Variants in EPB41L3 observed in about 807,000 individuals in gnomAD.
EPB41L3 encodes the protein band 4.1-like protein 3.
EPB41L3 carries 57 observed loss-of-function variants against 127.1 expected under a neutral mutation model. That is an observed-to-expected ratio of 0.45 (90% CI 0.36 to 0.56). The LOEUF is 0.56. Ranked by LOEUF, EPB41L3 falls within the 20% of genes least tolerant of loss-of-function variation. The pLI is 0.00. For missense variants in EPB41L3, 1,273 were observed against 1,372.2 expected (o/e 0.93, Z 1.14); for synonymous variants, 572 against 549.5 (o/e 1.04, Z -0.57).
At chr18:5,452,833 T>C (rs547146762) in intron 3 of EPB41L3, among the ~76,000 whole-genome samples, 2 of 152,192 alleles carry the variant, frequency 1.3e-5, no homozygotes, top group Admixed American at 1.3e-4. Context: ...AGTTTCCCTT[T>C]GTATAGTTAA....
At chr18:5,477,290 T>C (rs187834678) in intron 3 of EPB41L3, among the ~76,000 whole-genome samples, 37 of 152,258 alleles carry the variant, frequency 2.4e-4, no homozygotes, top group Non-Finnish European at 2.5e-4. Flanking sequence ...GACACACATG[T>C]GTGCACTGCC....
At chr18:5,537,487 C>G (rs1171847010) in intron 1 of EPB41L3, among the ~76,000 whole-genome samples, 1 of 152,088 alleles carries the variant, frequency 6.6e-6, no homozygotes, top group Non-Finnish European at 1.5e-5. Flanking sequence ...AACTAAAGAC[C>G]ATCTGTCTCC....
chr18:5,433,700 G>T, intron 7 of EPB41L3, 144 bp from the exon 8 acceptor site: 1 of 897,124 alleles, frequency 1.1e-6, no homozygotes, highest in Non-Finnish European at 1.7e-6. Flanking sequence ...AAGAAAAAGG[G>T]CTTTGCAAGA....
At chr18:5,424,220 A>T in intron 10 of EPB41L3, 42 bp downstream of exon 10, 1 of 1,377,742 alleles carries the variant, frequency 7.3e-7, no homozygotes, top group Non-Finnish European at 9.9e-7. Context: ...ATAAGTGATT[A>T]TAATTATTCC....
intron 3 of EPB41L3, among the ~76,000 whole-genome samples, chr18:5,475,472 G>A (rs1389998746): frequency 1.3e-5 from 2 of 152,186 alleles, no homozygotes; most frequent in Non-Finnish European, 2.9e-5. Flanking sequence ...TCTGTGCAAC[G>A]CAGGAAACAG....
intron 5 of EPB41L3, among the ~76,000 whole-genome samples, chr18:5,440,825 A>G (rs1201747917): frequency 6.6e-6 from 1 of 152,226 alleles, no homozygotes; most frequent in Non-Finnish European, 1.5e-5. Context: ...AAGATCCTGC[A>G]TGCTTAAAAG....
At chr18:5,541,276 A>AAAAC (rs2093723194) in intron 1 of EPB41L3, among the ~76,000 whole-genome samples, 1 of 150,304 alleles carries the variant, frequency 6.7e-6, no homozygotes, top group Admixed American at 6.6e-5. Flanking sequence ...AAAAAAAAAA[A>AAAAC]AGTCTCTCTC....
intron 1 of EPB41L3, among the ~76,000 whole-genome samples, chr18:5,493,992 C>T (rs1269789328): frequency 6.6e-6 from 1 of 152,140 alleles, no homozygotes; most frequent in Admixed American, 6.5e-5. Context: ...CTTTACAAAT[C>T]CATCTCACTC....
chr18:5,608,254 C>A (rs2094684904), intron 3 of EPB41L3, among the ~76,000 whole-genome samples: 1 of 152,106 alleles, frequency 6.6e-6, no homozygotes, highest in African/African-American at 2.4e-5. Flanking sequence ...GTGTGACGGG[C>A]ACACCAGATG....
intron 3 of EPB41L3, among the ~76,000 whole-genome samples, chr18:5,447,448 C>CTT (rs10694622): frequency 0.31 from 34,955 of 113,878 alleles, 6,023 homozygotes; most frequent in East Asian, 0.42. Context: ...AGCTAGACTA[C>CTT]TTTTTTTTTT....
intron 3 of EPB41L3, among the ~76,000 whole-genome samples, chr18:5,597,743 T>C (rs1391538929): frequency 6.6e-6 from 1 of 152,188 alleles, no homozygotes; most frequent in South Asian, 2.1e-4. Flanking sequence ...CTAGGAAAGA[T>C]GGATACTGTC....
chr18:5,495,949 G>C (rs11081203), intron 1 of EPB41L3, among the ~76,000 whole-genome samples: 78,429 of 152,104 alleles, frequency 0.52, 20,404 homozygotes, highest in South Asian at 0.57. Context: ...GGGCATAAAG[G>C]TCTGAGGGCA....
intron 8 of EPB41L3, among the ~76,000 whole-genome samples, chr18:5,433,238 G>C (rs1468312510): frequency 2.0e-5 from 3 of 152,162 alleles, no homozygotes; most frequent in African/African-American, 7.2e-5. Context: ...GCTTTCAGAA[G>C]GCTGTGCCCA....
intron 1 of EPB41L3, among the ~76,000 whole-genome samples, chr18:5,535,433 G>C (rs1325114912): frequency 6.6e-6 from 1 of 152,176 alleles, no homozygotes; most frequent in Non-Finnish European, 1.5e-5. Flanking sequence ...CTTATACTTA[G>C]CCAGTAAGCA....
At chr18:5,617,920 C>T (rs2094817046) in intron 1 of EPB41L3, among the ~76,000 whole-genome samples, 1 of 152,154 alleles carries the variant, frequency 6.6e-6, no homozygotes, top group Admixed American at 6.5e-5. Flanking sequence ...ACTATATACT[C>T]ATCCAAAATT....
upstream of EPB41L3, among the ~76,000 whole-genome samples, chr18:5,548,262 C>A (rs2093913246): frequency 6.6e-6 from 1 of 152,162 alleles, no homozygotes; most frequent in East Asian, 1.9e-4. Flanking sequence ...AATAAAAATT[C>A]ATTGAAGAGT....
At chr18:5,530,559 C>T (rs2093378238) in intron 1 of EPB41L3, among the ~76,000 whole-genome samples, 1 of 152,132 alleles carries the variant, frequency 6.6e-6, no homozygotes, top group Non-Finnish European at 1.5e-5. Flanking sequence ...TCTCCCACTG[C>T]CCTCGGAGCC....
At chr18:5,448,955 A>AT (rs1345397152) in intron 3 of EPB41L3, among the ~76,000 whole-genome samples, 1 of 152,196 alleles carries the variant, frequency 6.6e-6, no homozygotes, top group Non-Finnish European at 1.5e-5. Flanking sequence ...GACTTTTTAC[A>AT]TTTTTTCTTT....
intron 6 of EPB41L3, among the ~76,000 whole-genome samples, chr18:5,436,403 CTTTTTTTTTTT>C (rs34862547): frequency 3.0e-5 from 3 of 100,626 alleles, no homozygotes; most frequent in South Asian, 3.8e-4. Context: ...CATTTTCTTT[CTTTTTTTTTTT>C]TTTTTTTTTT....
Sources: allele counts gnomAD v4.1 joint callset (sites outside exome capture counted in the v4.1 genomes callset), GRCh38; gene constraint gnomAD v4.1.1; transcripts MANE v1.5; gene names NCBI Gene and HGNC (gene_info 2026-07-23, HGNC 2026-07-21).